The following GFM1 variants were observed in gnomAD, a reference collection of about 807,000 sequenced individuals.
GFM1 encodes G elongation factor mitochondrial 1.
A neutral mutation model predicts 96.2 loss-of-function variants in GFM1; 62 were observed. The ratio of observed to expected loss-of-function variants is 0.64; its 90% CI spans 0.53 to 0.80. The LOEUF is 0.80. Ranked by LOEUF, GFM1 falls within the 30% of genes least tolerant of loss-of-function variation. GFM1 has a pLI of 0.00. For missense variants in GFM1, 852 were observed against 916.6 expected (o/e 0.93, Z 0.91); for synonymous variants, 282 against 312.9 (o/e 0.90, Z 1.04).
At chr3:158,653,656 T>C (rs547769190) in intron 7 of GFM1, among the ~76,000 whole-genome samples, 189 bp downstream of exon 7, 3 of 152,296 alleles carry the variant, frequency 2.0e-5, no homozygotes, top group Admixed American at 1.3e-4. Flanking sequence ...CTATATCATA[T>C]TCTGTTTTGA....
Position 158,692,454 on chromosome 3 carries a change from T to C in GFM1, c.*987T>C, listed in dbSNP as rs928521300. 2.6e-5 allele frequency: 4 copies of C among 152,206 alleles called. No individual in the cohort carries two copies. The highest frequency in any genetic ancestry group is 4.8e-5 in the African/African-American group (2 of 41,462). 9.4% of individuals were successfully genotyped at this position (152,206 alleles called of 1,614,324 possible). A position where few individuals can be genotyped will look rare whatever the true frequency, so the allele number is the denominator to read the frequency against. On this transcript the variant is annotated 3_prime_UTR_variant, in exon 18 of 18. Coordinates refer to ENST00000486715, the MANE Select transcript of GFM1 (RefSeq NM_024996.7). ...TTTTGTTTCCAGAAAAAGTTGGGCT[T>C]TCCCAAGCAGTTCTATTACCCGGTT... is the stretch of plus-strand genomic sequence containing the variant.
At chr3:158,664,041 AC>A (rs2108047446) in intron 11 of GFM1, among the ~76,000 whole-genome samples, 1 of 152,296 alleles carries the variant, frequency 6.6e-6, no homozygotes, top group South Asian at 2.1e-4. Context: ...GTGGCCTTGA[AC>A]AAATCACTTA....
intron 13 of GFM1, among the ~76,000 whole-genome samples, chr3:158,673,053 C>G (rs369161691): frequency 5.3e-5 from 8 of 152,096 alleles, no homozygotes; most frequent in African/African-American, 1.9e-4. Context: ...TTTCCCTTCC[C>G]CTTATGAGAG....
In GFM1 at chr3:158,646,874, G is replaced by T. The variant is rs1267634225; in HGVS notation, c.499G>T (p.Val167Phe). 6.2e-7 allele frequency: 1 copy of T among 1,613,956 alleles called. No individual in the cohort carries two copies. Among genetic ancestry groups the T allele is most frequent in the Non-Finnish European group, 8.5e-7 (1 of 1,180,004 alleles). The change falls in exon 4 of 18, where the codon GTT becomes TTT. Residue 167 changes from valine (V) to phenylalanine (F), a missense_variant. Val to Phe is a conservative substitution (Grantham distance 50). Coordinates refer to ENST00000486715, the MANE Select transcript of GFM1 (RefSeq NM_024996.7). ...CAATCGTCAGATGAAGCGCTACAAC[G>T]TTCCGTTTCTAACTTTTATTAACAA... ...TVNRQMKRYNVPFLTFINKLD... is the reference protein window; with the variant it reads ...TVNRQMKRYNFPFLTFINKLD...
intron 15 of GFM1, among the ~76,000 whole-genome samples, chr3:158,687,218 C>T (rs1229136371): frequency 6.6e-6 from 1 of 151,750 alleles, no homozygotes; most frequent in Admixed American, 6.6e-5. Flanking sequence ...GCTTTGTTGC[C>T]CAGGCTGGTC....
rs746874606 is a variant in GFM1, at chr3:158,654,562, A to G, written c.1014A>G (p.Lys338=). The change falls in exon 8 of 18, where the codon AAA becomes AAG. Residue 338 remains lysine (K), a synonymous_variant. Transcript: ENST00000486715. ...ILNKEDDSKE[K]TKILMNSSRD... ...TTATTTTAAGTGACTCAAAAGAGAA[A>G]ACCAAAATCCTAATGAACTCCAGTA... 1.9e-6 allele frequency: 3 copies of G among 1,609,450 alleles called. No individual in the cohort carries two copies. Among genetic ancestry groups the G allele is most frequent in the Non-Finnish European group, 2.6e-6 (3 of 1,176,024 alleles).
At chr3:158,679,116 C>T (rs1202779641) in intron 13 of GFM1, among the ~76,000 whole-genome samples, 1 of 152,262 alleles carries the variant, frequency 6.6e-6, no homozygotes, top group Non-Finnish European at 1.5e-5. Flanking sequence ...CCTAGACCTT[C>T]AGTCTCCACT....
intron 15 of GFM1, among the ~76,000 whole-genome samples, chr3:158,689,529 A>T (rs1365939480): frequency 2.7e-4 from 41 of 152,240 alleles, no homozygotes; most frequent in Non-Finnish European, 1.9e-4. Flanking sequence ...ATTTTCTTAT[A>T]ATTAAAAATA....
At chr3:158,661,466 A>G (rs1371347947) in intron 10 of GFM1, among the ~76,000 whole-genome samples, 1 of 152,232 alleles carries the variant, frequency 6.6e-6, no homozygotes, top group Admixed American at 6.5e-5. Flanking sequence ...ACAGAACATA[A>G]CCAGGCTCAG....
Position 158,692,311 on chromosome 3 carries a change from A to G in GFM1, c.*844A>G, listed in dbSNP as rs1576802611. On this transcript the variant is annotated 3_prime_UTR_variant, in exon 18 of 18. Coordinates refer to ENST00000486715, the MANE Select transcript of GFM1 (RefSeq NM_024996.7). Reference sequence around the variant, plus strand: ...CATCTTAATGTTTTTGTACAGCTAAATCAAATGTAATTTATAGAGTTAGTT... The same window carrying G: ...CATCTTAATGTTTTTGTACAGCTAAGTCAAATGTAATTTATAGAGTTAGTT... 6.6e-6 allele frequency: 1 copy of G among 152,246 alleles called. No homozygotes were observed. The highest frequency in any genetic ancestry group is 1.5e-5 in the Non-Finnish European group (1 of 68,036). 9.4% of individuals were successfully genotyped at this position (152,246 alleles called of 1,614,324 possible).
At chr3:158,672,270 C>A (rs1724398857) in intron 13 of GFM1, 1 of 1,572,178 alleles carries the variant, frequency 6.4e-7, no homozygotes, top group African/African-American at 1.3e-5. Context: ...AGTGTCTGCA[C>A]CCAAAGGCTG....
chr3:158,654,913 T>C (rs1267176849), intron 8 of GFM1, among the ~76,000 whole-genome samples: 1 of 152,218 alleles, frequency 6.6e-6, no homozygotes, highest in East Asian at 1.9e-4. Flanking sequence ...TCACAGTAGA[T>C]AATGGTCCAT....
intron 6 of GFM1, among the ~76,000 whole-genome samples, chr3:158,652,821 CAA>C (rs1366726136): frequency 6.6e-6 from 1 of 152,202 alleles, no homozygotes; most frequent in Non-Finnish European, 1.5e-5. Flanking sequence ...AAAAGGTATA[CAA>C]AGGTAAACAG....
chr3:158,692,858 A>AT lies in GFM1; in HGVS notation c.*1397dup, dbSNP rs1726416274. ...AGGTGTGCGCCACCACTCCCTGCTAATTTTTTGCATTTTTTGAAGAGATAG... is the reference window on the plus strand; with the variant it reads ...AGGTGTGCGCCACCACTCCCTGCTAATTTTTTTGCATTTTTTGAAGAGATAG... On this transcript the variant is annotated 3_prime_UTR_variant, in exon 18 of 18. Transcript: ENST00000486715. Among the ~76,000 whole-genome samples the AT allele has an allele frequency of 6.6e-6, 1 of 151,608 alleles. No individual in the cohort carries two copies. Among genetic ancestry groups the AT allele is most frequent in the Non-Finnish European group, 1.5e-5 (1 of 67,950 alleles).
At chr3:158,654,508 A>C in intron 7 of GFM1, 39 bp from the exon 8 acceptor site, 1 of 1,182,666 alleles carries the variant, frequency 8.5e-7, no homozygotes, top group Non-Finnish European at 1.3e-6. Flanking sequence ...GAAATATCAT[A>C]TATTACATCT....
chr3:158,668,694 A>G (rs1186653410), intron 13 of GFM1, among the ~76,000 whole-genome samples: 1 of 152,214 alleles, frequency 6.6e-6, no homozygotes, highest in African/African-American at 2.4e-5. Flanking sequence ...CCTAGTCTCT[A>G]TGTTCCCAGA....
intron 5 of GFM1, chr3:158,650,668 T>A (rs1722216356): frequency 6.6e-6 from 1 of 152,370 alleles, no homozygotes; most frequent in African/African-American, 2.4e-5. Context: ...TTTGTCTTTA[T>A]TAAAGTTAGG....
In GFM1 at chr3:158,653,403, G is replaced by T; in HGVS notation, c.934G>T (p.Ala312Ser). The stretch of plus-strand genomic sequence containing the variant: ...CAAAGGAGTTCAGCCTCTTTTAGAT[G>T]CTGTTTTAGAATACCTCCCAAATCC... ...KNKGVQPLLD[A>S]VLEYLPNPSE... is the part of the protein sequence containing the mutation. Residue 312 changes from alanine (A) to serine (S), a missense_variant, in exon 7 of 18, where the codon GCT (alanine) becomes TCT (serine). Transcript: ENST00000486715. 6.2e-7 allele frequency: 1 copy of T among 1,613,000 alleles called. No homozygotes were observed. The highest frequency in any genetic ancestry group is 1.1e-5 in the South Asian group (1 of 91,054).
rs1314096195 is a variant in GFM1, at chr3:158,646,902, T to C, written c.527T>C (p.Leu176Ser). The change falls in exon 4 of 18, where the codon TTG (leucine) becomes TCG (serine). Residue 176 changes from leucine (L) to serine (S), a missense_variant. Physicochemically the swap from Leu to Ser is moderately radical, Grantham distance 145. Transcript: ENST00000486715. ...NVPFLTFINKLDRMGSNPARA... is the reference protein window; with the variant it reads ...NVPFLTFINKSDRMGSNPARA... ...CCGTTTCTAACTTTTATTAACAAATTGGACCGAATGGGCTCCAACCCAGCC... is the reference window on the plus strand; with the variant it reads ...CCGTTTCTAACTTTTATTAACAAATCGGACCGAATGGGCTCCAACCCAGCC... 7 of 1,613,994 alleles carry C rather than the reference T, an allele frequency of 4.3e-6. No homozygotes were observed. The highest frequency in any genetic ancestry group is 5.1e-6 in the Non-Finnish European group (6 of 1,180,018).
Sources: gnomAD v4.1 joint callset for allele counts (sites outside exome capture counted in the v4.1 genomes callset) on GRCh38, gnomAD v4.1.1 for gene constraint, MANE v1.5 for transcripts, NCBI Gene and HGNC (gene_info 2026-07-23, HGNC 2026-07-21) for gene names.